Variants in LRMDA observed in about 807,000 individuals in gnomAD.
LRMDA encodes the protein leucine rich melanocyte differentiation associated, also known as leucine-rich melanocyte differentiation-associated protein.
A neutral mutation model predicts 29.8 loss-of-function variants in LRMDA; 18 were observed. The observed-to-expected ratio is 0.60, with a 90% confidence interval of 0.42 to 0.90. LRMDA has a LOEUF of 0.90. Among genes scored for constraint, LRMDA ranks in the 40% least tolerant of loss-of-function variants. LRMDA has a pLI of 0.00. For synonymous variants in LRMDA, 125 were observed against 109.4 expected (o/e 1.14, Z -0.89); for missense variants, 273 against 273.9 (o/e 1.00, Z 0.02).
chr10:76,147,464 C>A (rs533167976), intron 5 of LRMDA, among the ~76,000 whole-genome samples: 1 of 152,228 alleles, frequency 6.6e-6, no homozygotes, highest in Admixed American at 6.5e-5. Flanking sequence ...CCCTTTCTTC[C>A]AGTTGATGGC....
chr10:75,888,851 A>G (rs1344788921), intron 2 of LRMDA, among the ~76,000 whole-genome samples: 6 of 152,230 alleles, frequency 3.9e-5, no homozygotes, highest in Non-Finnish European at 7.3e-5. Context: ...TGAAATGACA[A>G]GATTCTGGTA....
rs74924931 is a variant in LRMDA, at chr10:75,511,434, G to A, written c.131+72940G>A. 5.0e-4 allele frequency among the ~76,000 whole-genome samples: 76 copies of A among 152,316 alleles called. 1 individual carries two copies. In the East Asian group the frequency reaches 0.012, roughly 24 times the overall value. On this transcript the variant is annotated intron_variant, in intron 2 of 6. Transcript: ENST00000611255. ...CAACATACTGTGGGACTGTGAGCCC[G>A]TTTCCTCAGGGATTAAGTGAGGGGC...
intron 6 of LRMDA, among the ~76,000 whole-genome samples, chr10:76,475,247 T>C (rs1842655702): frequency 6.6e-6 from 1 of 151,764 alleles, no homozygotes; most frequent in Admixed American, 6.6e-5. Context: ...GAAAATGTTT[T>C]CAGATTGTGG....
At chr10:76,015,630 G>A (rs191210250) in intron 2 of LRMDA, among the ~76,000 whole-genome samples, 44 of 152,314 alleles carry the variant, frequency 2.9e-4, no homozygotes, top group African/African-American at 1.1e-3. Flanking sequence ...CCACACTCAA[G>A]TGGAAGGGGT....
chr10:76,394,723 C>T (rs372569744), intron 6 of LRMDA, among the ~76,000 whole-genome samples: 2 of 152,154 alleles, frequency 1.3e-5, no homozygotes, highest in Non-Finnish European at 2.9e-5. Context: ...TACAGTGCTA[C>T]TGTTATTATT....
intron 2 of LRMDA, among the ~76,000 whole-genome samples, chr10:75,680,759 C>T (rs1842013565): frequency 6.6e-6 from 1 of 152,028 alleles, no homozygotes; most frequent in South Asian, 2.1e-4. Flanking sequence ...CCTGTAATCC[C>T]AGCACTTTGA....
intron 5 of LRMDA, among the ~76,000 whole-genome samples, chr10:76,167,659 T>C (rs1015197885): frequency 6.6e-6 from 1 of 152,200 alleles, no homozygotes. Context: ...ACTGTAGCCC[T>C]GTAGTATAGT....
chr10:75,505,406 T>C, intron 2 of LRMDA, among the ~76,000 whole-genome samples: 1 of 152,052 alleles, frequency 6.6e-6, no homozygotes, highest in Non-Finnish European at 1.5e-5. Flanking sequence ...GAACTGAGTC[T>C]CATGGCCACA....
In LRMDA at chr10:75,764,395, C is replaced by A. The variant is rs575364019; in HGVS notation, c.132-271613C>A. On this transcript the variant is annotated intron_variant, in intron 2 of 6. Coordinates refer to ENST00000611255, the MANE Select transcript of LRMDA (RefSeq NM_001305581.2). ...TAAACTCCGTCTGAAAGTCTTTATG[C>A]AAAACAGCCTGTTCCCAGCAAGTGA... Among the ~76,000 whole-genome samples the A allele has an allele frequency of 2.0e-5, 3 of 152,256 alleles. No individual in the cohort carries two copies. In the East Asian group the frequency reaches 5.8e-4, roughly 29 times the overall value.
chr10:76,324,537 G>C (rs779505497), intron 6 of LRMDA, 52 bp downstream of exon 6: 1 of 1,509,234 alleles, frequency 6.6e-7, no homozygotes, highest in Non-Finnish European at 9.2e-7. Context: ...GGGACACTTG[G>C]CTGTGCAGAG....
intron 5 of LRMDA, among the ~76,000 whole-genome samples, chr10:76,304,765 G>A (rs1840530287): frequency 6.6e-6 from 1 of 152,190 alleles, no homozygotes; most frequent in Admixed American, 6.5e-5. Context: ...GTGTCTAGTA[G>A]GGGGACAACT....
chr10:75,996,148 T>C lies in LRMDA; in HGVS notation c.132-39860T>C, dbSNP rs151232038. Among the ~76,000 whole-genome samples, 261 of 152,304 alleles carry C rather than the reference T, an allele frequency of 1.7e-3. 1 individual carries two copies. The highest frequency in any genetic ancestry group is 5.9e-3 in the African/African-American group (246 of 41,570). ...TTGAAAGCCATTAGAGTGATAGTGA[T>C]AAAAATTTACCAGTTTGGGTCCTAA... On this transcript the variant is annotated intron_variant, in intron 2 of 6. Coordinates refer to ENST00000611255, the MANE Select transcript of LRMDA (RefSeq NM_001305581.2).
chr10:75,689,888 C>A (rs1022843863), intron 2 of LRMDA, among the ~76,000 whole-genome samples: 5 of 152,214 alleles, frequency 3.3e-5, no homozygotes, highest in Non-Finnish European at 7.3e-5. Context: ...CAGTTCCCCA[C>A]ATGCATGTGT....
At chr10:76,525,422 T>C (rs1263484590) in intron 6 of LRMDA, among the ~76,000 whole-genome samples, 3 of 152,212 alleles carry the variant, frequency 2.0e-5, no homozygotes, top group Non-Finnish European at 2.9e-5. Flanking sequence ...TCTATTTTTC[T>C]TCCTACCTCT....
At chr10:76,301,489 G>A (rs1298652500) in intron 5 of LRMDA, among the ~76,000 whole-genome samples, 1 of 152,178 alleles carries the variant, frequency 6.6e-6, no homozygotes, top group African/African-American at 2.4e-5. Context: ...TTGGATTGAG[G>A]CTAAAGGGTA....
chr10:76,372,647 A>AAAAAATAAAATAAAATG (rs1554816565), intron 6 of LRMDA, among the ~76,000 whole-genome samples: 1 of 152,036 alleles, frequency 6.6e-6, no homozygotes, highest in East Asian at 1.9e-4. Flanking sequence ...AAAATAAAAT[A>AAAAAATAAAATAAAATG]AAAAGAAATC....
rs1386542661 is a variant in LRMDA, at chr10:75,590,206, T to TG, written c.131+151717dup. Among the ~76,000 whole-genome samples the TG allele has an allele frequency of 8.6e-5, 13 of 151,866 alleles. No individual in the cohort carries two copies. In the East Asian group the frequency reaches 9.7e-4, roughly 11 times the overall value. Reference sequence around the variant, plus strand: ...GCTAATTTTTTATTTTTTCTATAGGTGGGGGTCTCACTAAGTTGCCTAGGC... The same window carrying TG: ...GCTAATTTTTTATTTTTTCTATAGGTGGGGGGTCTCACTAAGTTGCCTAGGC... On this transcript the variant is annotated intron_variant, in intron 2 of 6. Transcript: ENST00000611255.
At chr10:76,089,838 A>G (rs532664919) in intron 5 of LRMDA, among the ~76,000 whole-genome samples, 1 of 152,350 alleles carries the variant, frequency 6.6e-6, no homozygotes, top group East Asian at 1.9e-4. Context: ...ATGAAAAGTC[A>G]AACTGTGTAA....
chr10:75,986,168 C>T (rs773150872), intron 2 of LRMDA, among the ~76,000 whole-genome samples: 6 of 152,156 alleles, frequency 3.9e-5, no homozygotes, highest in Non-Finnish European at 8.8e-5. Flanking sequence ...TTTTGAGTAC[C>T]TACTATTTAA....
Sources: gnomAD v4.1 joint callset for allele counts (sites outside exome capture counted in the v4.1 genomes callset) on GRCh38, gnomAD v4.1.1 for gene constraint, MANE v1.5 for transcripts, NCBI Gene and HGNC (gene_info 2026-07-23, HGNC 2026-07-21) for gene names.